TENM2: variants seen among roughly 807,000 people sequenced by gnomAD.
TENM2 encodes teneurin transmembrane protein 2.
A neutral mutation model predicts 245.2 loss-of-function variants in TENM2; 52 were observed. That is an observed-to-expected ratio of 0.21 (90% CI 0.17 to 0.27). The LOEUF (loss-of-function observed/expected upper bound fraction) is 0.27. TENM2 is among the 10% of genes least tolerant of loss of function. The probability of loss-of-function intolerance (pLI) is 1.00; values close to 1 mark genes in which losing one functional copy is unlikely to be tolerated. For synonymous variants in TENM2, 1,363 were observed against 1,438.9 expected (o/e 0.95, Z 1.19); for missense variants, 3,046 against 3,666.8 (o/e 0.83, Z 4.37).
the TENM2 span, among the ~76,000 whole-genome samples, chr5:167,163,420 A>T: frequency 6.6e-6 from 1 of 152,184 alleles, no homozygotes; most frequent in African/African-American, 2.4e-5. Context: ...ATATGAATAC[A>T]CATTCTTCTC....
chr5:168,160,359 A>C (rs1292637471), intron 12 of TENM2, among the ~76,000 whole-genome samples: 1 of 152,226 alleles, frequency 6.6e-6, no homozygotes, highest in African/African-American at 2.4e-5. Context: ...CACAGTCAGG[A>C]AAAGCATGGA....
intron 2 of TENM2, among the ~76,000 whole-genome samples, chr5:167,388,704 A>G (rs1037766406): frequency 2.6e-5 from 4 of 151,894 alleles, no homozygotes; most frequent in African/African-American, 9.7e-5. Context: ...AGGTTGTGTC[A>G]GGTCATTCAG....
intron 2 of TENM2, among the ~76,000 whole-genome samples, chr5:167,427,742 AGGAAG>A (rs1763944627): frequency 1.9e-5 from 2 of 106,754 alleles, no homozygotes; most frequent in African/African-American, 8.1e-5. Context: ...AAGGACGGAA[AGGAAG>A]GGAAGGAAGG....
intron 2 of TENM2, among the ~76,000 whole-genome samples, chr5:167,825,102 C>T (rs1230151129): frequency 6.6e-6 from 1 of 152,126 alleles, no homozygotes; most frequent in Non-Finnish European, 1.5e-5. Context: ...GTTCATATTC[C>T]TATCTGGATT....
exon 29 of TENM2, chr5:168,262,429 C>A (rs767790157): frequency 6.3e-7 from 1 of 1,578,010 alleles, no homozygotes; most frequent in East Asian, 2.3e-5. Context: ...GCGGGGTGAA[C>A]GTGACCGTGT....
At chr5:167,881,123 A>G (rs998441778) in intron 3 of TENM2, among the ~76,000 whole-genome samples, 2 of 152,174 alleles carry the variant, frequency 1.3e-5, no homozygotes, top group Non-Finnish European at 2.9e-5. Flanking sequence ...CTCCTTATAT[A>G]TCTTAGGTTT....
intron 2 of TENM2, among the ~76,000 whole-genome samples, chr5:167,558,492 G>A (rs1197870366): frequency 5.3e-5 from 8 of 152,194 alleles, no homozygotes; most frequent in Non-Finnish European, 8.8e-5. Context: ...AGTGGCAGGT[G>A]AGTGAGCGAA....
intron 2 of TENM2, among the ~76,000 whole-genome samples, chr5:167,805,222 C>G (rs2150966521): frequency 1.3e-5 from 2 of 151,940 alleles, no homozygotes; most frequent in East Asian, 3.9e-4. Flanking sequence ...TAAACACTGC[C>G]TTCCATTCAA....
chr5:167,240,420 C>A, the TENM2 span, among the ~76,000 whole-genome samples: 1 of 151,430 alleles, frequency 6.6e-6, no homozygotes, highest in African/African-American at 2.4e-5. Context: ...TTTTTTAATT[C>A]CACTCATTCT....
At chr5:168,080,683 T>G (rs866567177) in intron 7 of TENM2, among the ~76,000 whole-genome samples, 5 of 152,226 alleles carry the variant, frequency 3.3e-5, no homozygotes, top group East Asian at 1.9e-4. Context: ...TTCATTTCGT[T>G]ATGTACCCAG....
chr5:167,521,324 A>C (rs1770741142), intron 2 of TENM2, among the ~76,000 whole-genome samples: 1 of 152,120 alleles, frequency 6.6e-6, no homozygotes, highest in Non-Finnish European at 1.5e-5. Context: ...TTAAGGCAAG[A>C]TTGGTCAATT....
chr5:167,052,193 G>A, the TENM2 span, among the ~76,000 whole-genome samples: 1 of 152,016 alleles, frequency 6.6e-6, no homozygotes, highest in Non-Finnish European at 1.5e-5. Context: ...AATAGGTAGA[G>A]TAGGAGGGAT....
intron 2 of TENM2, among the ~76,000 whole-genome samples, chr5:167,603,016 G>T (rs1332652038): frequency 6.6e-6 from 1 of 152,158 alleles, no homozygotes; most frequent in Non-Finnish European, 1.5e-5. Flanking sequence ...AATAAGAATT[G>T]TAAGATGGGT....
chr5:167,977,086 G>A (rs1389137435), intron 4 of TENM2, among the ~76,000 whole-genome samples: 2 of 152,116 alleles, frequency 1.3e-5, no homozygotes, highest in Admixed American at 1.3e-4. Flanking sequence ...AATACCACAT[G>A]TTTTTAATTA....
intron 2 of TENM2, among the ~76,000 whole-genome samples, chr5:167,650,970 G>A (rs527771354): frequency 3.9e-5 from 6 of 152,158 alleles, no homozygotes; most frequent in East Asian, 3.9e-4. Context: ...CATATGTCTC[G>A]GATCATGTTA....
the TENM2 span, among the ~76,000 whole-genome samples, chr5:167,031,785 G>A: frequency 6.6e-6 from 1 of 152,084 alleles, no homozygotes; most frequent in East Asian, 1.9e-4. Flanking sequence ...GGCTGGTCTC[G>A]AACTCCCGAG....
intron 25 of TENM2, among the ~76,000 whole-genome samples, chr5:168,233,374 G>T (rs1765122847): frequency 6.6e-6 from 1 of 152,150 alleles, no homozygotes; most frequent in South Asian, 2.1e-4. Context: ...CTCCATAAGT[G>T]CAGGGACCAG....
At chr5:167,429,743 A>T (rs1186264393) in intron 2 of TENM2, among the ~76,000 whole-genome samples, 2 of 150,930 alleles carry the variant, frequency 1.3e-5, no homozygotes, top group Admixed American at 1.3e-4. Flanking sequence ...AGTAGCTGGG[A>T]TTACAGGTGT....
the TENM2 span, among the ~76,000 whole-genome samples, chr5:167,076,396 G>T: frequency 6.6e-6 from 1 of 152,068 alleles, no homozygotes; most frequent in South Asian, 2.1e-4. Context: ...TATTTTTAAA[G>T]ATTGCCTTTG....
Sources: allele counts gnomAD v4.1 joint callset (sites outside exome capture counted in the v4.1 genomes callset), GRCh38; gene constraint gnomAD v4.1.1; transcripts MANE v1.5; gene names NCBI Gene and HGNC (gene_info 2026-07-23, HGNC 2026-07-21).